Variants in SLC4A10 observed in about 807,000 individuals in gnomAD.
SLC4A10 encodes sodium-driven chloride bicarbonate exchanger.
In SLC4A10, 42 loss-of-function variants were observed where a neutral mutation model predicts 137.7. That is an observed-to-expected ratio of 0.30 (90% CI 0.24 to 0.39). The LOEUF (loss-of-function observed/expected upper bound fraction) is 0.39, where lower values mean the gene tolerates loss of function less well. Ranked by LOEUF, SLC4A10 falls within the 10% of genes least tolerant of loss-of-function variation. The probability of loss-of-function intolerance (pLI) is 1.00; values close to 1 mark genes in which losing one functional copy is unlikely to be tolerated. For missense variants in SLC4A10, 925 were observed against 1,355.0 expected (o/e 0.68, Z 4.98); for synonymous variants, 474 against 464.1 (o/e 1.02, Z -0.27).
chr2:161,679,594 C>T (rs1052050924), intron 1 of SLC4A10, among the ~76,000 whole-genome samples: 4 of 151,744 alleles, frequency 2.6e-5, no homozygotes, highest in East Asian at 1.9e-4. Flanking sequence ...CTCAGTTTCT[C>T]ATATTGAATC....
At chr2:161,720,100 A>G (rs552749374) in intron 1 of SLC4A10, among the ~76,000 whole-genome samples, 13 of 152,266 alleles carry the variant, frequency 8.5e-5, no homozygotes, top group Admixed American at 4.6e-4. Context: ...TCCAGTTTCA[A>G]CTTTCTACAT....
At chr2:161,640,294 T>A (rs1467632597) in intron 1 of SLC4A10, among the ~76,000 whole-genome samples, 1 of 152,144 alleles carries the variant, frequency 6.6e-6, no homozygotes, top group Non-Finnish European at 1.5e-5. Context: ...TTGTGAATAC[T>A]CCCTTACAGT....
At chr2:161,978,562 T>C (rs1699770944) in intron 26 of SLC4A10, among the ~76,000 whole-genome samples, 1 of 152,034 alleles carries the variant, frequency 6.6e-6, no homozygotes, top group Non-Finnish European at 1.5e-5. Flanking sequence ...TTAGAGAATA[T>C]ATCTCTTATT....
intron 1 of SLC4A10, among the ~76,000 whole-genome samples, chr2:161,659,608 A>T (rs2038020072): frequency 6.6e-6 from 1 of 152,216 alleles, no homozygotes; most frequent in Non-Finnish European, 1.5e-5. Flanking sequence ...ACAAAATCGC[A>T]CTTATGCCCC....
At chr2:161,686,408 T>C (rs1259995830) in intron 1 of SLC4A10, among the ~76,000 whole-genome samples, 1 of 152,204 alleles carries the variant, frequency 6.6e-6, no homozygotes, top group Non-Finnish European at 1.5e-5. Flanking sequence ...AGATTGATTA[T>C]AACTAGTATT....
At chr2:161,861,984 T>C (rs2060459239) in intron 5 of SLC4A10, among the ~76,000 whole-genome samples, 1 of 152,202 alleles carries the variant, frequency 6.6e-6, no homozygotes. Flanking sequence ...CTGCTTTACA[T>C]AAGATGTTAA....
In SLC4A10 at chr2:161,923,541, G is replaced by T. The variant is rs556814192; in HGVS notation, c.1997+17654G>T. Among the ~76,000 whole-genome samples, 303 of 152,142 alleles carry T rather than the reference G, an allele frequency of 2.0e-3. 1 individual carries two copies. The highest frequency in any genetic ancestry group is 3.9e-3 in the Non-Finnish European group (262 of 68,012). On this transcript the variant is annotated intron_variant, in intron 15 of 26. Transcript: ENST00000446997. Reference sequence around the variant, plus strand: ...TAGAAAGGACATGAACTCAGAAGCTGGAAACCATCATTCTCAGCAAACTAT... The same window carrying T: ...TAGAAAGGACATGAACTCAGAAGCTTGAAACCATCATTCTCAGCAAACTAT...
chr2:161,797,843 T>C (rs2054939770), intron 2 of SLC4A10, among the ~76,000 whole-genome samples: 1 of 152,032 alleles, frequency 6.6e-6, no homozygotes, highest in Non-Finnish European at 1.5e-5. Flanking sequence ...AACTAGTAAA[T>C]CTCAGTTAGT....
At chr2:161,841,363 C>T (rs570856368) in intron 4 of SLC4A10, among the ~76,000 whole-genome samples, 7 of 152,290 alleles carry the variant, frequency 4.6e-5, no homozygotes, top group African/African-American at 1.4e-4. Flanking sequence ...CAGGTGTGAA[C>T]CACCATGCCC....
At position 161,965,089 on chromosome 2, in the gene SLC4A10, G is replaced by C; in HGVS notation, c.3075G>C (p.Leu1025Phe). The C allele has an allele frequency of 2.5e-6, 4 of 1,612,522 alleles. No individual in the cohort carries two copies. The highest frequency in any genetic ancestry group is 1.7e-6 in the Non-Finnish European group (2 of 1,178,964). Residue 1025 changes from leucine to phenylalanine, a missense_variant, in exon 23 of 27, where the codon TTG becomes TTC. This residue lies in a region of SLC4A10 where 115 missense variants were observed against 237.5 expected (regional missense o/e 0.48). Coordinates refer to ENST00000446997, the MANE Select transcript of SLC4A10 (RefSeq NM_001178015.2). ...TATTTGTAAGAAAGTTGATGGACTT[G>C]TTGTTCACGAAGCGGGAACTCAGCT... ...ALVFVRKLMD[L>F]LFTKRELSWL...
intron 15 of SLC4A10, among the ~76,000 whole-genome samples, chr2:161,926,383 T>A (rs1409657824): frequency 3.1e-4 from 23 of 75,310 alleles, no homozygotes; most frequent in African/African-American, 9.2e-4. Context: ...CTGCCTTTTT[T>A]TGGTTTTTTT....
intron 5 of SLC4A10, among the ~76,000 whole-genome samples, chr2:161,861,324 A>C (rs1176951464): frequency 6.6e-6 from 1 of 152,198 alleles, no homozygotes; most frequent in African/African-American, 2.4e-5. Context: ...TCACAAAAAA[A>C]CAATATATTT....
At chr2:161,908,988 T>C (rs1685145797) in intron 15 of SLC4A10, among the ~76,000 whole-genome samples, 1 of 148,380 alleles carries the variant, frequency 6.7e-6, no homozygotes, top group South Asian at 2.1e-4. Context: ...TCCCTGTCTG[T>C]CATGGTGATC....
At chr2:161,715,035 T>G (rs2044693067) in intron 1 of SLC4A10, among the ~76,000 whole-genome samples, 1 of 151,936 alleles carries the variant, frequency 6.6e-6, no homozygotes, top group African/African-American at 2.4e-5. Context: ...AAACACAATT[T>G]TAGTATGTAT....
chr2:161,859,594 C>CTTTTTTTTTTTTT (rs72003642), intron 5 of SLC4A10, among the ~76,000 whole-genome samples: 13 of 47,278 alleles, frequency 2.7e-4, no homozygotes, highest in Non-Finnish European at 2.6e-4. Flanking sequence ...CTTTTCTTTT[C>CTTTTTTTTTTTTT]TTTTTTTTTT....
chr2:161,727,546 A>G (rs1202378625), intron 1 of SLC4A10, among the ~76,000 whole-genome samples: 1 of 152,206 alleles, frequency 6.6e-6, no homozygotes, highest in Non-Finnish European at 1.5e-5. Flanking sequence ...TTTTGTCATT[A>G]AAACCCTTAG....
chr2:161,933,210 TCTTTC>T (rs1690846314), intron 15 of SLC4A10, among the ~76,000 whole-genome samples: 1 of 141,076 alleles, frequency 7.1e-6, no homozygotes, highest in African/African-American at 2.6e-5. Flanking sequence ...TTTCTTTCTT[TCTTTC>T]TTTCTTTCTT....
At chr2:161,679,401 A>G (rs1210009034) in intron 1 of SLC4A10, among the ~76,000 whole-genome samples, 1 of 152,122 alleles carries the variant, frequency 6.6e-6, no homozygotes, top group Non-Finnish European at 1.5e-5. Context: ...GGAAGGATAC[A>G]AAAGGTAAAG....
chr2:161,965,725 T>C (rs565244360), intron 23 of SLC4A10, among the ~76,000 whole-genome samples: 4 of 152,326 alleles, frequency 2.6e-5, no homozygotes, highest in Admixed American at 2.6e-4. Context: ...TTCTGGAATT[T>C]ATTTTTACAG....
Sources: allele counts gnomAD v4.1 joint callset (sites outside exome capture counted in the v4.1 genomes callset), GRCh38; gene constraint gnomAD v4.1.1; regional missense constraint gnomAD v4.1.1; transcripts MANE v1.5; gene names NCBI Gene and HGNC (gene_info 2026-07-23, HGNC 2026-07-21).